Variants in ATP7A observed in about 807,000 individuals in gnomAD.
ATP7A encodes the protein copper-transporting ATPase 1.
In ATP7A, 7 loss-of-function variants were observed where a neutral mutation model predicts 83.5. That is an observed-to-expected ratio of 0.08 (90% CI 0.05 to 0.16). The LOEUF is 0.16. ATP7A is among the 10% of genes least tolerant of loss of function. The probability of loss-of-function intolerance (pLI) is 1.00; values close to 1 mark genes in which losing one functional copy is unlikely to be tolerated. For missense variants in ATP7A, 940 were observed against 1,120.8 expected, an observed-to-expected ratio of 0.84 and a Z score of 2.30; for synonymous variants, 354 against 395.2, an observed-to-expected ratio of 0.90 and a Z score of 1.24.
chrX:78,024,927 T>G (rs2077932610), intron 14 of ATP7A, among the ~76,000 whole-genome samples: 1 of 111,497 alleles, frequency 9.0e-6, no homozygotes, highest in Non-Finnish European at 1.9e-5. Flanking sequence ...TCTCTTACTC[T>G]TGAGTGCCAT....
intron 5 of ATP7A, among the ~76,000 whole-genome samples, chrX:77,999,561 A>G (rs2077725757): frequency 9.0e-6 from 1 of 111,685 alleles, no homozygotes; most frequent in African/African-American, 3.3e-5. Flanking sequence ...ATTTGCACTC[A>G]TATTTATAGA....
intron 1 of ATP7A, among the ~76,000 whole-genome samples, chrX:77,965,754 A>C (rs1557228655): frequency 8.9e-6 from 1 of 112,447 alleles, no homozygotes; most frequent in Non-Finnish European, 1.9e-5. Flanking sequence ...AATGTTCATC[A>C]ACTGACAAAT....
intron 10 of ATP7A, 126 bp from the exon 11 acceptor site, chrX:78,014,536 T>C (rs1404138317): frequency 2.2e-6 from 1 of 460,507 alleles, no homozygotes; most frequent in Non-Finnish European, 3.7e-6. Context: ...TTCATATTAA[T>C]TTTTAAACAA....
chrX:77,998,926 A>G (rs782387004), intron 5 of ATP7A, among the ~76,000 whole-genome samples: 22 of 110,963 alleles, frequency 2.0e-4, no homozygotes, highest in Non-Finnish European at 3.6e-4. Context: ...AAAAAAAAAT[A>G]GCAGAAAGAA....
At chrX:77,988,085 GTTTC>G (rs1409181056) in intron 2 of ATP7A, among the ~76,000 whole-genome samples, 153 bp from the exon 3 acceptor site, 1 of 111,705 alleles carries the variant, frequency 9.0e-6, no homozygotes, top group Admixed American at 9.6e-5. Flanking sequence ...GACATTTTAT[GTTTC>G]TTTCTAACAA....
chrX:78,017,765 C>CTT lies in ATP7A; in HGVS notation c.2626+1912_2626+1913dup, dbSNP rs1176316040. ...ATGCCATCCGTCTCTTTTCTTGTTT[C>CTT]TTTTTTTTTTTTTTTTTTTTTTTTT... On this transcript the variant is annotated intron_variant, in intron 12 of 22. Coordinates refer to ENST00000341514, the MANE Select transcript of ATP7A (RefSeq NM_000052.7). 2.4e-3 allele frequency among the ~76,000 whole-genome samples: 108 copies of CTT among 45,832 alleles called. 4 individuals carry two copies. Among genetic ancestry groups the CTT allele is most frequent in the East Asian group, 0.015 (20 of 1,313 alleles). 39.8% of individuals were successfully genotyped at this position (45,832 alleles called of 115,157 possible).
At chrX:77,942,063 A>G (rs1335072121) in intron 1 of ATP7A, among the ~76,000 whole-genome samples, 1 of 112,234 alleles carries the variant, frequency 8.9e-6, no homozygotes, top group Non-Finnish European at 1.9e-5. Flanking sequence ...ATTTTTAGGC[A>G]GATTGAGATG....
At chrX:77,931,695 C>T (rs2077277900) in intron 1 of ATP7A, among the ~76,000 whole-genome samples, 1 of 104,427 alleles carries the variant, frequency 9.6e-6, no homozygotes, top group African/African-American at 3.5e-5. Flanking sequence ...CAGAGGGGCT[C>T]CTCACTTCCC....
intron 14 of ATP7A, 136 bp from the exon 15 acceptor site, chrX:78,029,113 TA>T: frequency 1.6e-6 from 1 of 639,818 alleles, no homozygotes; most frequent in Non-Finnish European, 2.5e-6. Context: ...TACCTGTAAC[TA>T]AAAAATATAT....
At chrX:77,938,959 A>T (rs2077335727) in intron 1 of ATP7A, among the ~76,000 whole-genome samples, 1 of 112,059 alleles carries the variant, frequency 8.9e-6, no homozygotes, top group African/African-American at 3.2e-5. Context: ...ATGGAATATT[A>T]TTTATTTTAC....
intron 1 of ATP7A, among the ~76,000 whole-genome samples, chrX:77,942,045 G>A (rs1330347186): frequency 8.9e-6 from 1 of 111,827 alleles, no homozygotes; most frequent in Non-Finnish European, 1.9e-5. Context: ...TGTTCTCTCA[G>A]GTTTACTATT....
At chrX:77,966,228 T>C (rs1603377690) in intron 1 of ATP7A, among the ~76,000 whole-genome samples, 1 of 112,243 alleles carries the variant, frequency 8.9e-6, no homozygotes. Context: ...GTATGTCAGA[T>C]CCTTACCATA....
chrX:77,964,210 G>A (rs781849960), intron 1 of ATP7A: 1 of 111,142 alleles, frequency 9.0e-6, no homozygotes, highest in Non-Finnish European at 1.9e-5. Flanking sequence ...ATCTTATGTC[G>A]CTTTTTGGTA....
At chrX:77,932,958 A>G (rs1603372117) in intron 1 of ATP7A, among the ~76,000 whole-genome samples, 2 of 110,236 alleles carry the variant, frequency 1.8e-5, no homozygotes, top group African/African-American at 6.6e-5. Context: ...GAGAGCAGGA[A>G]CATTCTTAAG....
chrX:78,035,529 A>T (rs1447792871), intron 17 of ATP7A, among the ~76,000 whole-genome samples: 2 of 110,796 alleles, frequency 1.8e-5, no homozygotes, highest in African/African-American at 6.6e-5. Context: ...TCTGTTAAGG[A>T]TCCCAGCTTT....
chrX:77,940,234 T>G (rs1200648465), intron 1 of ATP7A, among the ~76,000 whole-genome samples: 1 of 111,125 alleles, frequency 9.0e-6, no homozygotes, highest in Non-Finnish European at 1.9e-5. Flanking sequence ...TTTACTCCAA[T>G]AAATAAAATT....
chrX:78,045,700 C>A, intron 22 of ATP7A, 128 bp downstream of exon 22: 1 of 700,833 alleles, frequency 1.4e-6, no homozygotes, highest in Non-Finnish European at 2.2e-6. Context: ...TTATTATTAG[C>A]GGCCGGGCGT....
rs781876137 is a variant in ATP7A, at chrX:77,969,440, G to C, written c.-21-2181G>C. On this transcript the variant is annotated intron_variant, in intron 1 of 22. Coordinates refer to ENST00000341514, the MANE Select transcript of ATP7A (RefSeq NM_000052.7). ...TCAATGGCATCTAGCACTGTCCAGAGGGTCCGGATCACTCTCTTCTGCACT... is the reference window on the plus strand; with the variant it reads ...TCAATGGCATCTAGCACTGTCCAGACGGTCCGGATCACTCTCTTCTGCACT... The C allele has an allele frequency of 1.2e-5, 15 of 1,210,495 alleles. No individual in the cohort carries two copies. In the South Asian group the frequency reaches 2.6e-4, roughly 21 times the overall value.
At chrX:77,924,198 A>G (rs1457403952) in intron 1 of ATP7A, 2 of 111,909 alleles carry the variant, frequency 1.8e-5, no homozygotes, top group Admixed American at 9.5e-5. Context: ...AGAAACGAGG[A>G]ATGGATTCTG....
Sources: gnomAD v4.1 joint callset for allele counts (sites outside exome capture counted in the v4.1 genomes callset) on GRCh38, gnomAD v4.1.1 for gene constraint, MANE v1.5 for transcripts, NCBI Gene and HGNC (gene_info 2026-07-23, HGNC 2026-07-21) for gene names.